The following ROBO2 variants were observed in gnomAD, a reference collection of about 807,000 sequenced individuals.
ROBO2 encodes the protein roundabout guidance receptor 2.
A neutral mutation model predicts 160.8 loss-of-function variants in ROBO2; 53 were observed. That is an observed-to-expected ratio of 0.33 (90% confidence interval 0.26 to 0.41). The LOEUF is 0.41. Among genes scored for constraint, ROBO2 ranks in the 10% least tolerant of loss-of-function variants. The probability of loss-of-function intolerance (pLI) is 1.00; values close to 1 mark genes in which losing one functional copy is unlikely to be tolerated. For missense variants in ROBO2, 1,577 were observed against 1,722.4 expected, an observed-to-expected ratio of 0.92 and a Z score of 1.49; for synonymous variants, 664 against 611.7, an observed-to-expected ratio of 1.09 and a Z score of -1.26.
rs145460739 is a variant in ROBO2, at chr3:77,144,438, C to T, written c.388+46098C>T. ...TTTTAAATTTCTTGAGAATCTGTTC[C>T]GTGCCTGATTTCTCCCTCAGCAGCT... On this transcript the variant is annotated intron_variant, in intron 2 of 25. Transcript: ENST00000461745. 2.6e-3 allele frequency among the ~76,000 whole-genome samples: 389 copies of T among 152,236 alleles called. 1 individual carries two copies. The highest frequency in any genetic ancestry group is 9.0e-3 in the African/African-American group (374 of 41,544).
intron 2 of ROBO2, among the ~76,000 whole-genome samples, chr3:76,038,497 C>G (rs2067184132): frequency 6.6e-6 from 1 of 151,892 alleles, no homozygotes; most frequent in African/African-American, 2.4e-5. Flanking sequence ...ACCTGCAACC[C>G]ATGACTGATC....
chr3:76,724,075 C>T (rs569449521), intron 2 of ROBO2, among the ~76,000 whole-genome samples: 42 of 152,178 alleles, frequency 2.8e-4, no homozygotes, highest in Non-Finnish European at 4.9e-4. Flanking sequence ...ATTATTCTAC[C>T]TCTGACATCA....
intron 1 of ROBO2, among the ~76,000 whole-genome samples, chr3:77,051,703 A>C (rs2065243094): frequency 6.6e-6 from 1 of 152,222 alleles, no homozygotes; most frequent in Admixed American, 6.5e-5. Context: ...ATTCAATTCT[A>C]AGCTTTCCAA....
At chr3:76,902,253 G>T (rs187333160) in intron 2 of ROBO2, among the ~76,000 whole-genome samples, 8 of 151,682 alleles carry the variant, frequency 5.3e-5, no homozygotes, top group Non-Finnish European at 8.8e-5. Context: ...ATTATTCAGC[G>T]TTTTATACTA....
At chr3:77,408,353 G>A (rs2153518700) in intron 2 of ROBO2, among the ~76,000 whole-genome samples, 1 of 152,066 alleles carries the variant, frequency 6.6e-6, no homozygotes, top group Non-Finnish European at 1.5e-5. Flanking sequence ...TATCCTTGTT[G>A]TTTCTCTAAG....
intron 2 of ROBO2, among the ~76,000 whole-genome samples, chr3:76,628,352 A>G (rs912557048): frequency 6.7e-6 from 1 of 150,170 alleles, no homozygotes; most frequent in Non-Finnish European, 1.5e-5. Flanking sequence ...GCAACCCCAA[A>G]CTCCTAGGCT....
At position 76,576,539 on chromosome 3, in the gene ROBO2, T is replaced by A. The variant is rs539672161; in HGVS notation, c.110-521475T>A. 5.3e-5 allele frequency among the ~76,000 whole-genome samples: 8 copies of A among 152,210 alleles called. 2 individuals are homozygous for A. The South Asian group carries it at 1.7e-3, about 32-fold the overall frequency. On this transcript the variant is annotated intron_variant, in intron 2 of 26. Coordinates refer to the ROBO2 transcript ENST00000487694. Reference sequence around the variant, plus strand: ...TATCACTGGTGTACTATTGGTATAATCACAAATCAGGTGGCCTACTTTTTG... The same window carrying A: ...TATCACTGGTGTACTATTGGTATAAACACAAATCAGGTGGCCTACTTTTTG...
chr3:75,921,184 A>G (rs1309011596), intron 1 of ROBO2, among the ~76,000 whole-genome samples: 1 of 151,900 alleles, frequency 6.6e-6, no homozygotes, highest in Non-Finnish European at 1.5e-5. Flanking sequence ...TTTCCTTTCC[A>G]TATTTAGTGC....
chr3:76,465,367 T>C (rs1055819829), intron 2 of ROBO2, among the ~76,000 whole-genome samples: 1 of 152,050 alleles, frequency 6.6e-6, no homozygotes, highest in East Asian at 1.9e-4. Context: ...TATGAAAAAA[T>C]AGTGGGTAAT....
intron 2 of ROBO2, among the ~76,000 whole-genome samples, chr3:76,916,866 GT>G (rs1363255716): frequency 1.3e-5 from 2 of 152,090 alleles, no homozygotes; most frequent in African/African-American, 4.8e-5. Context: ...ACTACACACA[GT>G]TGCTTTTTCT....
intron 2 of ROBO2, among the ~76,000 whole-genome samples, chr3:76,908,660 TG>T (rs1193737613): frequency 3.3e-5 from 5 of 152,156 alleles, no homozygotes; most frequent in Admixed American, 3.3e-4. Flanking sequence ...CTACCAGAGG[TG>T]AAAGGTTACT....
intron 2 of ROBO2, among the ~76,000 whole-genome samples, chr3:77,318,162 C>T (rs887995167): frequency 6.6e-6 from 1 of 152,040 alleles, no homozygotes; most frequent in African/African-American, 2.4e-5. Context: ...ATTATCGTGT[C>T]TCAGTCTCCT....
At chr3:75,924,035 AAT>A (rs1471208720) in intron 1 of ROBO2, among the ~76,000 whole-genome samples, 1 of 152,198 alleles carries the variant, frequency 6.6e-6, no homozygotes, top group Non-Finnish European at 1.5e-5. Context: ...AGCTTTTAAA[AAT>A]AGTTTTTTTT....
intron 2 of ROBO2, among the ~76,000 whole-genome samples, chr3:76,083,515 T>G (rs1372196268): frequency 6.6e-6 from 1 of 152,264 alleles, no homozygotes; most frequent in Middle Eastern, 3.4e-3. Context: ...AAAAATACAC[T>G]TTTTGCTAGA....
chr3:77,585,751 C>G (rs2094030280), intron 16 of ROBO2, among the ~76,000 whole-genome samples: 1 of 152,020 alleles, frequency 6.6e-6, no homozygotes, highest in Non-Finnish European at 1.5e-5. Context: ...TCCTTCGTAT[C>G]TACCTTAACA....
At chr3:77,462,329 T>C (rs2153572647) in intron 2 of ROBO2, among the ~76,000 whole-genome samples, 1 of 152,338 alleles carries the variant, frequency 6.6e-6, no homozygotes, top group South Asian at 2.1e-4. Context: ...CTTCAGTTAA[T>C]GTTAAATGAA....
intron 2 of ROBO2, among the ~76,000 whole-genome samples, chr3:76,925,064 C>T (rs998098400): frequency 1.3e-5 from 2 of 151,292 alleles, no homozygotes; most frequent in African/African-American, 4.9e-5. Context: ...AAAAATTAGC[C>T]GGGCGTAGTG....
chr3:76,131,816 A>G (rs1295268956), intron 2 of ROBO2, among the ~76,000 whole-genome samples: 1 of 152,166 alleles, frequency 6.6e-6, no homozygotes, highest in Admixed American at 6.5e-5. Flanking sequence ...CAATGTGTGG[A>G]TTATAAGCAC....
intron 2 of ROBO2, among the ~76,000 whole-genome samples, chr3:76,362,310 G>T (rs1044507838): frequency 6.6e-6 from 1 of 152,024 alleles, no homozygotes; most frequent in Admixed American, 6.6e-5. Context: ...GCTGCTGTGA[G>T]CTGTGATTCC....
Sources: gnomAD v4.1 joint callset for allele counts (sites outside exome capture counted in the v4.1 genomes callset) on GRCh38, gnomAD v4.1.1 for gene constraint, MANE v1.5 for transcripts, NCBI Gene and HGNC (gene_info 2026-07-23, HGNC 2026-07-21) for gene names.